The following NEBL variants were observed in gnomAD, a reference collection of about 807,000 sequenced individuals.
The protein encoded by NEBL is LIM and SH3 protein 2.
In NEBL, 122 loss-of-function variants were observed where a neutral mutation model predicts 140.2. That is an observed-to-expected ratio of 0.87 (90% CI 0.75 to 1.01). NEBL has a LOEUF of 1.01. Ranked by LOEUF, NEBL falls within the 50% of genes least tolerant of loss-of-function variation. NEBL has a pLI of 0.00. For synonymous variants in NEBL, 436 were observed against 398.9 expected, an observed-to-expected ratio of 1.09 and a Z score of -1.11; for missense variants, 1,365 against 1,231.3, an observed-to-expected ratio of 1.11 and a Z score of -1.62.
At chr10:21,290,313 G>A (rs954443057) in intron 1 of NEBL, among the ~76,000 whole-genome samples, 1 of 152,162 alleles carries the variant, frequency 6.6e-6, no homozygotes, top group Non-Finnish European at 1.5e-5. Context: ...CCGGTATGCT[G>A]AGCATTTTTG....
rs566181116 is a variant in NEBL, at chr10:21,002,320, T to C, written c.249+17797A>G. 5.4e-3 allele frequency among the ~76,000 whole-genome samples: 815 copies of C among 152,290 alleles called. 4 individuals are homozygous for C. The highest frequency in any genetic ancestry group is 7.0e-3 in the Non-Finnish European group (475 of 68,018). On this transcript the variant is annotated intron_variant, in intron 3 of 6. Coordinates refer to the NEBL transcript ENST00000417816. ...ACGTCATATAGAATTGCAGATTACTTTCCAAGATAAACACCAGAATTCAGT... is the reference window on the plus strand; with the variant it reads ...ACGTCATATAGAATTGCAGATTACTCTCCAAGATAAACACCAGAATTCAGT...
intron 4 of NEBL, among the ~76,000 whole-genome samples, chr10:20,933,516 C>G (rs1408041774): frequency 6.6e-6 from 1 of 152,014 alleles, no homozygotes; most frequent in Non-Finnish European, 1.5e-5. Flanking sequence ...GGTGGATAAC[C>G]TGAGGCCAGG....
At chr10:20,792,755 G>C (rs762479739) in intron 26 of NEBL, among the ~76,000 whole-genome samples, 5 of 151,518 alleles carry the variant, frequency 3.3e-5, no homozygotes, top group South Asian at 2.1e-4. Flanking sequence ...AGCTGAGATC[G>C]TGCCTTTTCA....
rs377073927 is a variant in NEBL, at chr10:21,027,413, G to A, written c.165-7212C>T. On this transcript the variant is annotated intron_variant, in intron 2 of 6. Coordinates refer to the NEBL transcript ENST00000417816. ...CAGGATCACACATCACCGCAGCCTC[G>A]ACCTCCTGGACTCAGGTGATCCTCC... 2.3e-4 allele frequency among the ~76,000 whole-genome samples: 34 copies of A among 150,754 alleles called. No homozygotes were observed. In the South Asian group the frequency reaches 6.3e-3, roughly 28 times the overall value.
At position 20,812,887 on chromosome 10, in the gene NEBL, G is replaced by C; in HGVS notation, c.2400C>G (p.Val800=). ...CTCTCTCTGTCACAGGATCGTCCAC[G>C]ACGGGAGTAAAGCCTCTCCCCTTTG... is the stretch of plus-strand genomic sequence containing the variant. ...EKTKGRGFTP[V]VDDPVTERVR... is the part of the protein sequence containing the mutation. Residue 800 remains valine, a synonymous_variant, in exon 24 of 28, where the codon GTC becomes GTG. Transcript: ENST00000377122. 6.2e-7 allele frequency: 1 copy of C among 1,613,964 alleles called. No homozygotes were observed. Among genetic ancestry groups the C allele is most frequent in the Non-Finnish European group, 8.5e-7 (1 of 1,179,922 alleles).
intron 2 of NEBL, among the ~76,000 whole-genome samples, chr10:21,053,514 A>G (rs551080975): frequency 6.6e-6 from 1 of 152,238 alleles, no homozygotes; most frequent in African/African-American, 2.4e-5. Context: ...AATGAGCATC[A>G]GTAGTTAAGG....
intron 2 of NEBL, among the ~76,000 whole-genome samples, chr10:21,127,510 C>T (rs1838895138): frequency 6.6e-6 from 1 of 151,590 alleles, no homozygotes; most frequent in Admixed American, 6.6e-5. Flanking sequence ...ATGTCTCTCC[C>T]AATGAGATAT....
intron 12 of NEBL, among the ~76,000 whole-genome samples, chr10:20,843,165 G>T (rs1347513055): frequency 2.0e-5 from 3 of 152,048 alleles, no homozygotes; most frequent in Non-Finnish European, 4.4e-5. Flanking sequence ...CTAAAGGAAG[G>T]AGGAAAAGCA....
chr10:21,029,555 G>C, intron 2 of NEBL: 2 of 1,604,366 alleles, frequency 1.2e-6, no homozygotes, highest in African/African-American at 2.7e-5. Context: ...TCTTTTGGCC[G>C]TGATAGAAAT....
chr10:20,875,018 C>T (rs928889602), intron 5 of NEBL, among the ~76,000 whole-genome samples: 1 of 152,192 alleles, frequency 6.6e-6, no homozygotes, highest in Admixed American at 6.5e-5. Flanking sequence ...GGATTACAGG[C>T]ATGAGTCACT....
At position 20,817,625 on chromosome 10, in the gene NEBL, T is replaced by A; in HGVS notation, c.2123A>T (p.Lys708Ile). The change falls in exon 21 of 28, where the codon AAA (lysine) becomes ATA (isoleucine). Residue 708 changes from lysine to isoleucine, a missense_variant. Lys to Ile is a moderately radical substitution (Grantham distance 102). Transcript: ENST00000377122. ...ISDPPELKRAKENQKNISNVY... is the reference protein window; with the variant it reads ...ISDPPELKRAIENQKNISNVY... ...ATTGCTGATGTTTTTCTGGTTTTCT[T>A]TTGCCCTCTTCAGCTCTGGTGGATC... 6.2e-7 allele frequency: 1 copy of A among 1,613,848 alleles called. No individual in the cohort carries two copies. Among genetic ancestry groups the A allele is most frequent in the Non-Finnish European group, 8.5e-7 (1 of 1,179,706 alleles).
intron 3 of NEBL, among the ~76,000 whole-genome samples, chr10:21,016,100 C>A (rs767354428): frequency 6.6e-6 from 1 of 152,260 alleles, no homozygotes; most frequent in Admixed American, 6.5e-5. Context: ...ACTCTTCATG[C>A]TATTTCTTTG....
At chr10:21,069,392 G>A (rs972687887) in intron 2 of NEBL, among the ~76,000 whole-genome samples, 4 of 152,334 alleles carry the variant, frequency 2.6e-5, no homozygotes, top group Admixed American at 2.0e-4. Flanking sequence ...ACCACAGCCA[G>A]TAGAGCACTT....
At position 20,781,520 on chromosome 10, in the gene NEBL, A is replaced by G. The variant is rs1012840173; in HGVS notation, c.*4227T>C. ...AGTTTTCTCTTTTCCTTTAAAGTAC[A>G]TCATTCTTAACAGCAACTGGATTAC... On this transcript the variant is annotated 3_prime_UTR_variant, in exon 28 of 28. Transcript: ENST00000377122. 5 of 152,162 alleles carry G rather than the reference A, an allele frequency of 3.3e-5. No homozygotes were observed. Among genetic ancestry groups the G allele is most frequent in the African/African-American group, 1.2e-4 (5 of 41,442 alleles). The allele number at this position is 152,162 out of a possible 1,614,324, so 9.4% of individuals were successfully genotyped here. A position where few individuals can be genotyped will look rare whatever the true frequency, so the allele number is the denominator to read the frequency against.
intron 3 of NEBL, among the ~76,000 whole-genome samples, chr10:21,199,314 T>A (rs574958163): frequency 1.7e-4 from 26 of 152,152 alleles, no homozygotes; most frequent in African/African-American, 5.8e-4. Context: ...ATTACAAGAG[T>A]GAGCCACTGC....
chr10:20,877,252 T>C (rs1434849227), intron 5 of NEBL, among the ~76,000 whole-genome samples: 2 of 152,160 alleles, frequency 1.3e-5, no homozygotes, highest in Non-Finnish European at 2.9e-5. Flanking sequence ...GAGGTAGATA[T>C]CGTTGTCCCC....
intron 3 of NEBL, among the ~76,000 whole-genome samples, chr10:21,193,538 G>A (rs1028498098): frequency 6.6e-6 from 1 of 152,166 alleles, no homozygotes; most frequent in African/African-American, 2.4e-5. Flanking sequence ...AAGTCCTACA[G>A]AGCTCCTTCC....
At chr10:20,900,663 A>C (rs1847824537), upstream of NEBL, among the ~76,000 whole-genome samples, 3 of 148,142 alleles carry the variant, frequency 2.0e-5, no homozygotes, top group Admixed American at 2.0e-4. Context: ...ATCTCTACTA[A>C]AATACAAAAA....
intron 3 of NEBL, among the ~76,000 whole-genome samples, chr10:21,007,141 G>A (rs1331774676): frequency 1.3e-5 from 2 of 152,066 alleles, no homozygotes; most frequent in Non-Finnish European, 2.9e-5. Context: ...GAATTTGGGA[G>A]AATATATTTT....
Sources: allele counts gnomAD v4.1 joint callset (sites outside exome capture counted in the v4.1 genomes callset), GRCh38; gene constraint gnomAD v4.1.1; transcripts MANE v1.5; gene names NCBI Gene and HGNC (gene_info 2026-07-23, HGNC 2026-07-21).